REST: variants seen among roughly 807,000 people sequenced by gnomAD.
REST encodes the protein RE1-silencing transcription factor.
REST carries 1 observed loss-of-function variant against 30.4 expected under a neutral mutation model. The observed-to-expected ratio is 0.03, with a 90% CI of 0.01 to 0.16. REST has a LOEUF of 0.16. Among genes scored for constraint, REST ranks in the 10% least tolerant of loss-of-function variants. The pLI, the probability that REST is intolerant of heterozygous loss-of-function variation, is 1.00. For missense variants in REST, 1,259 were observed against 1,329.5 expected, an observed-to-expected ratio of 0.95 and a Z score of 0.82; for synonymous variants, 504 against 451.1, an observed-to-expected ratio of 1.12 and a Z score of -1.49.
rs1277927022 is a variant in REST, at chr4:56,907,920, T to C, written c.-303T>C. 1.2e-5 allele frequency: 3 copies of C among 244,120 alleles called. No individual in the cohort carries two copies. 15.1% of individuals were successfully genotyped at this position (244,120 alleles called of 1,614,324 possible). On this transcript the variant is annotated 5_prime_UTR_variant, in exon 1 of 4. Coordinates refer to ENST00000309042, the MANE Select transcript of REST (RefSeq NM_005612.5). ...ACTGGGTGCGCGGCGCAGCGTCCTG[T>C]GTTGGAATGTGCGGCTGCCGCGAGC... is the stretch of plus-strand genomic sequence containing the variant.
chr4:56,920,749 A>G (rs35437996), intron 3 of REST, among the ~76,000 whole-genome samples: 1 of 152,152 alleles, frequency 6.6e-6, no homozygotes, highest in African/African-American at 2.4e-5. Context: ...CTTGAAAAAA[A>G]AGTCCCTATT....
chr4:56,923,942 T>G (rs13146960), intron 3 of REST, among the ~76,000 whole-genome samples: 1 of 151,684 alleles, frequency 6.6e-6, no homozygotes, highest in African/African-American at 2.4e-5. Flanking sequence ...AGGATAGTCT[T>G]GATCTCCTGA....
chr4:56,927,260 T>C (rs986733270), intron 3 of REST, among the ~76,000 whole-genome samples: 20 of 152,208 alleles, frequency 1.3e-4, no homozygotes, highest in Non-Finnish European at 2.6e-4. Flanking sequence ...ACATTCTATG[T>C]CCACGTATGT....
intron 2 of REST, among the ~76,000 whole-genome samples, chr4:56,915,919 G>T (rs1410595867): frequency 6.6e-6 from 1 of 152,182 alleles, no homozygotes; most frequent in Non-Finnish European, 1.5e-5. Context: ...AGGCTGAAGT[G>T]ATGTTCCCAA....
chr4:56,916,484 T>C (rs781169345), intron 2 of REST, among the ~76,000 whole-genome samples: 6 of 152,034 alleles, frequency 3.9e-5, no homozygotes, highest in Non-Finnish European at 7.4e-5. Flanking sequence ...GGTGAAACCC[T>C]GTCTCTACTA....
intron 3 of REST, among the ~76,000 whole-genome samples, chr4:56,928,822 C>T (rs1486143008): frequency 1.3e-5 from 2 of 151,656 alleles, no homozygotes; most frequent in African/African-American, 4.8e-5. Flanking sequence ...CTCCTGACCT[C>T]AGGTGATCCA....
At chr4:56,925,782 T>C (rs908493331) in intron 3 of REST, among the ~76,000 whole-genome samples, 1 of 152,022 alleles carries the variant, frequency 6.6e-6, no homozygotes, top group Non-Finnish European at 1.5e-5. Flanking sequence ...AAAGTAAAAA[T>C]TACGGGAGAA....
Position 56,933,577 on chromosome 4 carries a change from G to A in REST, c.*1425G>A, listed in dbSNP as rs1178614165. The A allele has an allele frequency of 6.6e-6, 1 of 152,156 alleles. No individual in the cohort carries two copies. The highest frequency in any genetic ancestry group is 6.6e-5 in the Admixed American group (1 of 15,266). 9.4% of individuals were successfully genotyped at this position (152,156 alleles called of 1,614,324 possible). ...ATCTCCACAAACTGGTGGGTGTCCT[G>A]GCTGTCTGTGTGATAGCCTCTTTCT... On this transcript the variant is annotated 3_prime_UTR_variant, in exon 4 of 4. Coordinates refer to ENST00000309042, the MANE Select transcript of REST (RefSeq NM_005612.5).
chr4:56,915,240 A>ATTT (rs1193678055), intron 2 of REST, among the ~76,000 whole-genome samples: 1,028 of 55,540 alleles, frequency 0.019, 82 homozygotes, highest in African/African-American at 0.026. Flanking sequence ...GTGTGTGTGT[A>ATTT]TTTTTTTTTT....
chr4:56,931,825 A>C lies in REST; in HGVS notation c.2967A>C (p.Ala989=). 2 of 1,614,200 alleles carry C rather than the reference A, an allele frequency of 1.2e-6. No homozygotes were observed. Among genetic ancestry groups the C allele is most frequent in the Non-Finnish European group, 1.7e-6 (2 of 1,180,032 alleles). The stretch of plus-strand genomic sequence containing the variant: ...AACGTGAAGCAGTGTCCAAAACTGC[A>C]CTGGCATCACCTCCTGCTACAATGG... ...VEEREAVSKT[A]LASPPATMAA... is the part of the protein sequence containing the mutation. Residue 989 remains alanine, a synonymous_variant, in exon 4 of 4, where the codon GCA becomes GCC. Coordinates refer to ENST00000309042, the MANE Select transcript of REST (RefSeq NM_005612.5).
intron 2 of REST, among the ~76,000 whole-genome samples, chr4:56,916,716 A>T (rs1015170443): frequency 3.9e-5 from 6 of 152,346 alleles, no homozygotes; most frequent in Admixed American, 3.3e-4. Context: ...GTGGTATTTA[A>T]TTTTTTATTG....
rs1435537308 is a variant in REST, at chr4:56,908,120, C to T, written c.-103C>T. On this transcript the variant is annotated 5_prime_UTR_variant, in exon 1 of 4. Transcript: ENST00000309042. The stretch of plus-strand genomic sequence containing the variant: ...CAGCACCCAACTTTACCACCCTCCC[C>T]CACCTCTCCCCCGAAACTCCAGCAA... 1.7e-5 allele frequency: 5 copies of T among 293,318 alleles called. No homozygotes were observed. The highest frequency in any genetic ancestry group is 2.5e-5 in the Non-Finnish European group (4 of 157,474). The allele number at this position is 293,318 out of a possible 1,614,324, so 18.2% of individuals were successfully genotyped here. A position where few individuals can be genotyped will look rare whatever the true frequency, so the allele number is the denominator to read the frequency against.
At chr4:56,913,539 C>T (rs1345446507) in intron 2 of REST, among the ~76,000 whole-genome samples, 3 of 152,136 alleles carry the variant, frequency 2.0e-5, no homozygotes, top group Admixed American at 6.6e-5. Context: ...CTGTTTGCCT[C>T]AGGTCTCCTC....
At chr4:56,927,797 C>A in intron 3 of REST, 1 of 192,858 alleles carries the variant, frequency 5.2e-6, no homozygotes, top group South Asian at 9.1e-5. Context: ...CTTCTCATTA[C>A]CTAGTTCCTT....
intron 2 of REST, among the ~76,000 whole-genome samples, chr4:56,915,920 A>G (rs1449366150): frequency 1.3e-5 from 2 of 152,216 alleles, no homozygotes; most frequent in East Asian, 3.9e-4. Flanking sequence ...GGCTGAAGTG[A>G]TGTTCCCAAG....
Position 56,931,402 on chromosome 4 carries a change from C to G in REST, c.2544C>G (p.Ser848Arg), listed in dbSNP as rs1206868170. Residue 848 changes from serine (S) to arginine (R), a missense_variant, in exon 4 of 4, where the codon AGC (serine) becomes AGG (arginine). By Grantham distance (110) the Ser-to-Arg change is moderately radical. Coordinates refer to ENST00000309042, the MANE Select transcript of REST (RefSeq NM_005612.5). ...IEVGLVPVKD[S>R]WLLKESVSTE... is the part of the protein sequence containing the mutation. ...TTGGCTTAGTGCCTGTTAAAGATAGCTGGCTTCTAAAGGAAAGTGTAAGCA... is the reference window on the plus strand; with the variant it reads ...TTGGCTTAGTGCCTGTTAAAGATAGGTGGCTTCTAAAGGAAAGTGTAAGCA... 1.9e-6 allele frequency: 3 copies of G among 1,614,234 alleles called. No individual in the cohort carries two copies. The highest frequency in any genetic ancestry group is 2.7e-5 in the African/African-American group (2 of 75,066).
intron 1 of REST, among the ~76,000 whole-genome samples, chr4:56,908,677 C>T (rs6853156): frequency 0.21 from 32,046 of 152,002 alleles, 3,491 homozygotes; most frequent in East Asian, 0.4. Context: ...CGGAAGGCGC[C>T]GTTGAGTGCG....
chr4:56,930,864 C>T lies in REST; in HGVS notation c.2006C>T (p.Pro669Leu). ...CCTGCTCAGAAGGAGCTGCTGCCTCCCGTGGAGCCTGCTCAGATGGTGGGT... is the reference window on the plus strand; with the variant it reads ...CCTGCTCAGAAGGAGCTGCTGCCTCTCGTGGAGCCTGCTCAGATGGTGGGT... Reference protein sequence around the residue: ...EGPAQKELLPPVEPAQMVGAQ... With the variant: ...EGPAQKELLPLVEPAQMVGAQ... The change falls in exon 4 of 4, where the codon CCC becomes CTC. Residue 669 changes from proline to leucine, a missense_variant. Pro to Leu is a moderately conservative substitution (Grantham distance 98). Coordinates refer to ENST00000309042, the MANE Select transcript of REST (RefSeq NM_005612.5). 6.2e-7 allele frequency: 1 copy of T among 1,613,700 alleles called. No individual in the cohort carries two copies. The highest frequency in any genetic ancestry group is 8.5e-7 in the Non-Finnish European group (1 of 1,179,812).
chr4:56,930,842 G>C lies in REST; in HGVS notation c.1984G>C (p.Ala662Pro). 1.2e-6 allele frequency: 2 copies of C among 1,613,108 alleles called. No individual in the cohort carries two copies. The highest frequency in any genetic ancestry group is 1.7e-6 in the Non-Finnish European group (2 of 1,179,442). Residue 662 changes from alanine (A) to proline (P), a missense_variant, in exon 4 of 4, where the codon GCT becomes CCT. Around this residue, in one of 5 missense-constraint regions of REST, gnomAD observed 856 missense variants for 772.8 expected, o/e 1.11. Coordinates refer to ENST00000309042, the MANE Select transcript of REST (RefSeq NM_005612.5). ...GATGGAGGTGGTTCAGGAGGGGCCT[G>C]CTCAGAAGGAGCTGCTGCCTCCCGT... ...VQMEVVQEGP[A>P]QKELLPPVEP...
Sources: allele counts gnomAD v4.1 joint callset (sites outside exome capture counted in the v4.1 genomes callset), GRCh38; gene constraint gnomAD v4.1.1; regional missense constraint gnomAD v4.1.1; transcripts MANE v1.5; gene names NCBI Gene and HGNC (gene_info 2026-07-23, HGNC 2026-07-21).